SPG11: variants seen among roughly 807,000 people sequenced by gnomAD.
SPG11 encodes SPG11 vesicle trafficking associated, spatacsin, also known as spatacsin.
In SPG11, 222 loss-of-function variants were observed where a neutral mutation model predicts 274.0. The ratio of observed to expected loss-of-function variants is 0.81; its 90% CI spans 0.73 to 0.91. The LOEUF is 0.91. Among genes scored for constraint, SPG11 ranks in the 40% least tolerant of loss-of-function variants. SPG11 has a pLI of 0.00. For synonymous variants in SPG11, 1,144 were observed against 1,039.7 expected (o/e 1.10, Z -1.93); for missense variants, 3,114 against 2,872.7 (o/e 1.08, Z -1.92).
intron 6 of SPG11, among the ~76,000 whole-genome samples, chr15:44,649,848 C>G (rs557163282): frequency 3.3e-5 from 5 of 150,560 alleles, no homozygotes; most frequent in African/African-American, 1.2e-4. Flanking sequence ...TGAGCCAGAT[C>G]ACACCATTGC....
chr15:44,652,322 G>T, intron 4 of SPG11, 56 bp from the exon 5 acceptor site: 2 of 1,575,006 alleles, frequency 1.3e-6, no homozygotes, highest in Non-Finnish European at 8.7e-7. Flanking sequence ...ACCCAAATTT[G>T]TGTTACTACT....
intron 31 of SPG11, among the ~76,000 whole-genome samples, chr15:44,573,977 T>A (rs928473863): frequency 2.6e-5 from 4 of 152,244 alleles, no homozygotes; most frequent in African/African-American, 9.6e-5. Flanking sequence ...ATCAGGTTAT[T>A]CTCTTGTTGG....
intron 7 of SPG11, among the ~76,000 whole-genome samples, chr15:44,648,647 T>A (rs2084673069): frequency 6.6e-6 from 1 of 152,172 alleles, no homozygotes; most frequent in African/African-American, 2.4e-5. Flanking sequence ...TGTACCTTTT[T>A]CTTATTATTT....
At chr15:44,582,945 C>G (rs1175479278) in intron 30 of SPG11, among the ~76,000 whole-genome samples, 3 of 152,144 alleles carry the variant, frequency 2.0e-5, no homozygotes, top group African/African-American at 7.2e-5. Context: ...AATAATTTCC[C>G]TTTAAGGTCA....
rs754401126 is a variant in SPG11 at position 44,592,398 on chromosome 15, C to T, written c.4676G>A (p.Cys1559Tyr). The change falls in exon 27 of 40, where the codon TGT becomes TAT. Residue 1559 changes from cysteine (C) to tyrosine (Y), a missense_variant. Coordinates refer to ENST00000261866, the MANE Select transcript of SPG11 (RefSeq NM_025137.4). ...LLLVMEMYEL[C>Y]MFFRNYKEAE... ...TTCTTTATAATTCCTGAAGAACATA[C>T]ACAGTTCATACATCTCCATCACCAG... 2 of 1,611,580 alleles carry T rather than the reference C, an allele frequency of 1.2e-6. No homozygotes were observed. Among genetic ancestry groups the T allele is most frequent in the African/African-American group, 1.3e-5 (1 of 74,858 alleles).
intron 4 of SPG11, 98 bp from the exon 5 acceptor site, chr15:44,652,364 G>T: frequency 7.7e-7 from 1 of 1,296,626 alleles, no homozygotes; most frequent in Non-Finnish European, 1.1e-6. Context: ...TTACAGAGAA[G>T]GAATAGTACA....
intron 28 of SPG11, 91 bp from the exon 29 acceptor site, chr15:44,585,941 G>T: frequency 9.8e-7 from 1 of 1,020,118 alleles, no homozygotes; most frequent in Non-Finnish European, 1.5e-6. Flanking sequence ...GAAAATATAC[G>T]TGTTTAACAT....
Position 44,585,634 on chromosome 15 carries a change from A to C in SPG11, c.5121+2T>G. The C allele has an allele frequency of 1.9e-6, 3 of 1,583,180 alleles. No homozygotes were observed. The highest frequency in any genetic ancestry group is 2.6e-6 in the Non-Finnish European group (3 of 1,155,372). On this transcript the variant is annotated splice_donor_variant, in intron 29 of 39. Transcript: ENST00000261866. LOFTEE classifies it high-confidence loss of function. ...AAAAAAAAAAAAAAAGACCGATGATACCTCTTTAATAACCAAGTTGTCCAC... is the reference window on the plus strand; with the variant it reads ...AAAAAAAAAAAAAAAGACCGATGATCCCTCTTTAATAACCAAGTTGTCCAC...
chr15:44,565,971 G>A lies in SPG11; in HGVS notation c.6882C>T (p.Leu2294=), dbSNP rs142450368. The A allele has an allele frequency of 9.9e-6, 16 of 1,613,866 alleles. No homozygotes were observed. The highest frequency in any genetic ancestry group is 6.7e-5 in the East Asian group (3 of 44,892). The change falls in exon 38 of 40, where the codon CTC becomes CTT. Residue 2294 remains leucine (L), a synonymous_variant. Coordinates refer to ENST00000261866, the MANE Select transcript of SPG11 (RefSeq NM_025137.4). ...GAATCTGCAGAGTTATCAACTTGGT[G>A]AGCCGCTGACAGTGCTGGGCCTGTC... ...CVRQAQHCQR[L]TKLITLQIHF...
intron 20 of SPG11, among the ~76,000 whole-genome samples, chr15:44,603,634 T>A (rs1047960185): frequency 3.9e-5 from 6 of 152,242 alleles, no homozygotes; most frequent in Non-Finnish European, 7.3e-5. Context: ...TATTTTGATA[T>A]GAGTCTAGTC....
intron 35 of SPG11, among the ~76,000 whole-genome samples, chr15:44,569,167 AAAAAAAAAAAAG>A (rs2082365863): frequency 6.6e-6 from 1 of 150,938 alleles, no homozygotes; most frequent in African/African-American, 2.4e-5. Flanking sequence ...TCCGTCTCAA[AAAAAAAAAAAAG>A]AAAAAGAAAA....
At position 44,608,618 on chromosome 15, in the gene SPG11, A is replaced by G. The variant is rs1295077827; in HGVS notation, c.3292-13T>C. The G allele has an allele frequency of 6.2e-7, 1 of 1,612,930 alleles. No individual in the cohort carries two copies. Among genetic ancestry groups the G allele is most frequent in the African/African-American group, 1.3e-5 (1 of 74,892 alleles). On this transcript the variant is annotated splice_polypyrimidine_tract_variant and intron_variant, in intron 18 of 39. Coordinates refer to ENST00000261866, the MANE Select transcript of SPG11 (RefSeq NM_025137.4). ...CATTCTGAACAACCTAAGTAAAAAA[A>G]CAGATAACAGGTTGGACAGTAGCAT...
intron 33 of SPG11, among the ~76,000 whole-genome samples, chr15:44,571,700 T>C (rs976558657): frequency 6.6e-6 from 1 of 151,848 alleles, no homozygotes. Context: ...GGTTTCACCG[T>C]GTTAGCCAGG....
intron 4 of SPG11, among the ~76,000 whole-genome samples, chr15:44,655,150 C>G (rs1480204280): frequency 6.6e-6 from 1 of 152,144 alleles, no homozygotes; most frequent in Non-Finnish European, 1.5e-5. Flanking sequence ...ATCTCTTTAG[C>G]TGGCACAGTG....
At chr15:44,645,825 T>G (rs545978551) in intron 7 of SPG11, among the ~76,000 whole-genome samples, 1 of 152,102 alleles carries the variant, frequency 6.6e-6, no homozygotes, top group South Asian at 2.1e-4. Context: ...TGTCCTTTCA[T>G]GTCCTTCTCT....
At chr15:44,580,248 C>T (rs1156444053) in intron 30 of SPG11, among the ~76,000 whole-genome samples, 1 of 152,060 alleles carries the variant, frequency 6.6e-6, no homozygotes, top group Non-Finnish European at 1.5e-5. Context: ...TGGCTTGTAG[C>T]CCAGGATCGG....
intron 9 of SPG11, among the ~76,000 whole-genome samples, 193 bp downstream of exon 9, chr15:44,629,040 T>G (rs529700475): frequency 5.3e-5 from 8 of 152,354 alleles, no homozygotes; most frequent in Admixed American, 2.0e-4. Flanking sequence ...TTGTCCTTCA[T>G]GATTAGTCCT....
At chr15:44,639,606 A>G (rs886549555) in intron 7 of SPG11, among the ~76,000 whole-genome samples, 4 of 151,872 alleles carry the variant, frequency 2.6e-5, no homozygotes, top group Non-Finnish European at 5.9e-5. Flanking sequence ...AGAGGCTCAC[A>G]TGGGGGTATC....
At chr15:44,626,958 A>G (rs533169519) in intron 10 of SPG11, among the ~76,000 whole-genome samples, 1 of 152,348 alleles carries the variant, frequency 6.6e-6, no homozygotes, top group African/African-American at 2.4e-5. Context: ...GCAGAGGGAC[A>G]AAGAAAAGAA....
Sources: gnomAD v4.1 joint callset for allele counts (sites outside exome capture counted in the v4.1 genomes callset) on GRCh38, gnomAD v4.1.1 for gene constraint, MANE v1.5 for transcripts, NCBI Gene and HGNC (gene_info 2026-07-23, HGNC 2026-07-21) for gene names.